The following CTNNA3 variants were observed in gnomAD, a reference collection of about 807,000 sequenced individuals.
CTNNA3 encodes the protein catenin alpha-3.
CTNNA3 carries 76 observed loss-of-function variants against 95.7 expected under a neutral mutation model. The observed-to-expected ratio is 0.79, with a 90% CI of 0.66 to 0.96. The LOEUF (loss-of-function observed/expected upper bound fraction) is 0.96. Ranked by LOEUF, CTNNA3 falls within the 40% of genes least tolerant of loss-of-function variation. The pLI, the probability that CTNNA3 is intolerant of heterozygous loss-of-function variation, is 0.00. For synonymous variants in CTNNA3, 431 were observed against 374.4 expected (o/e 1.15, Z -1.74); for missense variants, 1,191 against 1,089.8 (o/e 1.09, Z -1.31).
At chr10:67,630,169 C>A (rs10997762) in intron 2 of CTNNA3, among the ~76,000 whole-genome samples, 20,066 of 152,096 alleles carry the variant, frequency 0.13, 1,433 homozygotes, top group Non-Finnish European at 0.16. Flanking sequence ...ACAAAAGGAA[C>A]CCCTAAAAAG....
At chr10:67,611,995 G>C (rs570876271) in intron 2 of CTNNA3, among the ~76,000 whole-genome samples, 15 of 152,170 alleles carry the variant, frequency 9.9e-5, no homozygotes, top group Non-Finnish European at 1.9e-4. Flanking sequence ...GTACAAACCA[G>C]TCTCGGGGAG....
intron 5 of CTNNA3, among the ~76,000 whole-genome samples, chr10:67,320,817 C>T (rs571960184): frequency 4.6e-5 from 7 of 152,240 alleles, no homozygotes; most frequent in African/African-American, 1.7e-4. Context: ...GGGGAGATTA[C>T]AAAAGCAGAC....
chr10:66,707,103 T>C (rs1589150776), intron 9 of CTNNA3, among the ~76,000 whole-genome samples: 1 of 152,164 alleles, frequency 6.6e-6, no homozygotes, highest in Admixed American at 6.6e-5. Flanking sequence ...TTTAATGATG[T>C]TTAAATAAAA....
intron 11 of CTNNA3, among the ~76,000 whole-genome samples, chr10:66,388,729 G>A (rs1041462384): frequency 6.6e-6 from 1 of 152,070 alleles, no homozygotes; most frequent in African/African-American, 2.4e-5. Flanking sequence ...AGCAGCTATA[G>A]TAAGAATATT....
intron 6 of CTNNA3, among the ~76,000 whole-genome samples, chr10:67,181,385 G>T (rs1000767929): frequency 1.3e-5 from 2 of 152,068 alleles, no homozygotes; most frequent in African/African-American, 4.8e-5. Context: ...TGCTCTAAGG[G>T]TCTTTTATTA....
chr10:66,916,854 CA>C (rs1846519639), intron 7 of CTNNA3, among the ~76,000 whole-genome samples: 1 of 152,120 alleles, frequency 6.6e-6, no homozygotes. Context: ...TATAAAAAAA[CA>C]ATTTTCTTTT....
At chr10:66,577,227 G>A (rs4525108) in intron 10 of CTNNA3, among the ~76,000 whole-genome samples, 43,735 of 151,400 alleles carry the variant, frequency 0.29, 6,719 homozygotes, top group Middle Eastern at 0.42. Flanking sequence ...TGGATAATAG[G>A]CCTTTGTCAG....
chr10:66,203,563 A>T (rs2087569347), intron 13 of CTNNA3, among the ~76,000 whole-genome samples: 1 of 152,100 alleles, frequency 6.6e-6, no homozygotes, highest in Non-Finnish European at 1.5e-5. Flanking sequence ...CCATAATTAT[A>T]ACATAGGCTT....
intron 5 of CTNNA3, among the ~76,000 whole-genome samples, chr10:67,434,267 A>G (rs1846221856): frequency 6.6e-6 from 1 of 152,004 alleles, no homozygotes; most frequent in South Asian, 2.1e-4. Context: ...CTCCATCTCA[A>G]TGTCCTCATT....
At chr10:66,585,970 C>T (rs990342809) in intron 10 of CTNNA3, among the ~76,000 whole-genome samples, 3 of 151,982 alleles carry the variant, frequency 2.0e-5, no homozygotes, top group East Asian at 3.9e-4. Context: ...GTGACTTTAA[C>T]ATTTATAGTT....
intron 7 of CTNNA3, among the ~76,000 whole-genome samples, chr10:67,055,787 T>C (rs1191592506): frequency 6.6e-6 from 1 of 152,094 alleles, no homozygotes; most frequent in Non-Finnish European, 1.5e-5. Context: ...TTAAAAGCCA[T>C]AAGGATATCA....
intron 4 of CTNNA3, among the ~76,000 whole-genome samples, chr10:67,535,821 G>T (rs1296683827): frequency 6.8e-6 from 1 of 148,060 alleles, no homozygotes; most frequent in African/African-American, 2.5e-5. Context: ...GGAAACGAAG[G>T]TTTGATGATA....
chr10:66,618,816 C>A (rs567038127), intron 10 of CTNNA3, among the ~76,000 whole-genome samples: 1 of 152,124 alleles, frequency 6.6e-6, no homozygotes, highest in African/African-American at 2.4e-5. Flanking sequence ...ACTCATCTGA[C>A]AAAGGGCTAA....
chr10:66,107,498 A>G (rs1205402116), intron 13 of CTNNA3, among the ~76,000 whole-genome samples: 1 of 152,222 alleles, frequency 6.6e-6, no homozygotes. Flanking sequence ...TGATTCAAGC[A>G]AAAGAAGCCA....
chr10:67,307,580 A>C (rs948792259), intron 5 of CTNNA3, among the ~76,000 whole-genome samples: 2 of 152,172 alleles, frequency 1.3e-5, no homozygotes, highest in African/African-American at 2.4e-5. Flanking sequence ...TGTCTAGTCT[A>C]ATTTCATGAA....
At chr10:67,726,557 ATATAATATATAT>A (rs1277472258) in intron 1 of CTNNA3, among the ~76,000 whole-genome samples, 7 of 61,994 alleles carry the variant, frequency 1.1e-4, no homozygotes, top group Admixed American at 5.6e-4. Context: ...ATATTATATA[ATATAATATATAT>A]TACATATTAT....
chr10:65,979,013 G>C (rs776342445), intron 16 of CTNNA3, among the ~76,000 whole-genome samples: 11 of 152,058 alleles, frequency 7.2e-5, no homozygotes, highest in Non-Finnish European at 1.3e-4. Context: ...TGGACATGTT[G>C]ATTTATGAGA....
At chr10:67,704,703 G>A (rs1841066860) in intron 1 of CTNNA3, among the ~76,000 whole-genome samples, 1 of 151,796 alleles carries the variant, frequency 6.6e-6, no homozygotes, top group Non-Finnish European at 1.5e-5. Context: ...TTACCATTCA[G>A]GACATAGGCA....
Position 67,521,712 on chromosome 10 carries a change from C to T in CTNNA3, c.579+130G>A, listed in dbSNP as rs1425643190. On this transcript the variant is annotated intron_variant, in intron 5 of 17. Coordinates refer to ENST00000433211, the MANE Select transcript of CTNNA3 (RefSeq NM_013266.4). ...GCCATATGAACACAGCAGATCAGCACAGCACAACCTGTATCTGCTCTAACC... is the reference window on the plus strand; with the variant it reads ...GCCATATGAACACAGCAGATCAGCATAGCACAACCTGTATCTGCTCTAACC... 2.6e-6 allele frequency: 3 copies of T among 1,175,584 alleles called. No homozygotes were observed. The African/African-American group carries it at 4.6e-5, about 18-fold the overall frequency. The allele number at this position is 1,175,584 out of a possible 1,614,324, so 72.8% of individuals were successfully genotyped here.
Sources: gnomAD v4.1 joint callset for allele counts (sites outside exome capture counted in the v4.1 genomes callset) on GRCh38, gnomAD v4.1.1 for gene constraint, MANE v1.5 for transcripts, NCBI Gene and HGNC (gene_info 2026-07-23, HGNC 2026-07-21) for gene names.